Variants in DLG2 observed in about 807,000 individuals in gnomAD.
DLG2 encodes discs large MAGUK scaffold protein 2, also known as disks large homolog 2.
Under a neutral mutation model 132.5 loss-of-function variants are expected in DLG2, and 45 were observed. That is an observed-to-expected ratio of 0.34 (90% CI 0.27 to 0.44). The LOEUF is 0.44. DLG2 is among the 20% of genes least tolerant of loss of function. The probability of loss-of-function intolerance (pLI) is 1.00; values close to 1 mark genes in which losing one functional copy is unlikely to be tolerated. For synonymous variants in DLG2, 424 were observed against 419.6 expected, an observed-to-expected ratio of 1.01 and a Z score of -0.13; for missense variants, 1,045 against 1,196.9, an observed-to-expected ratio of 0.87 and a Z score of 1.87.
chr11:85,418,142 G>A (rs78019057), intron 3 of DLG2, among the ~76,000 whole-genome samples: 2 of 151,994 alleles, frequency 1.3e-5, no homozygotes, highest in Non-Finnish European at 2.9e-5. Context: ...AGTACACTTT[G>A]TTTTTGTTCT....
intron 6 of DLG2, among the ~76,000 whole-genome samples, chr11:85,067,039 A>G (rs928109996): frequency 5.9e-5 from 9 of 151,758 alleles, no homozygotes; most frequent in Non-Finnish European, 1.2e-4. Context: ...CAATCCCATT[A>G]CTGAGTATAT....
intron 8 of DLG2, among the ~76,000 whole-genome samples, chr11:84,246,188 G>T (rs953271278): frequency 3.3e-5 from 5 of 152,216 alleles, no homozygotes; most frequent in African/African-American, 1.2e-4. Context: ...GTCAACCATT[G>T]TCTGAAAATA....
chr11:85,294,550 T>A (rs1295045884), intron 3 of DLG2, among the ~76,000 whole-genome samples: 1 of 152,154 alleles, frequency 6.6e-6, no homozygotes, highest in Admixed American at 6.6e-5. Flanking sequence ...TGCAAGTTAC[T>A]TAACTTCTCT....
intron 7 of DLG2, among the ~76,000 whole-genome samples, chr11:84,276,198 G>T (rs1170857216): frequency 2.0e-5 from 3 of 152,258 alleles, no homozygotes; most frequent in Admixed American, 6.5e-5. Context: ...AACCTCTTGA[G>T]GTGATAAGTT....
At chr11:84,762,886 GAGGC>G (rs1457121592) in intron 6 of DLG2, among the ~76,000 whole-genome samples, 1 of 152,060 alleles carries the variant, frequency 6.6e-6, no homozygotes, top group Non-Finnish European at 1.5e-5. Context: ...CCTATGGGAG[GAGGC>G]AGGGTGAAAT....
intron 6 of DLG2, among the ~76,000 whole-genome samples, chr11:84,668,269 T>A (rs374459351): frequency 6.6e-6 from 1 of 152,154 alleles, no homozygotes; most frequent in Non-Finnish European, 1.5e-5. Flanking sequence ...CTAGGGTGAC[T>A]CTACTAAAAA....
intron 12 of DLG2, among the ~76,000 whole-genome samples, chr11:83,978,171 G>GT (rs761888785): frequency 3.3e-3 from 477 of 142,448 alleles, no homozygotes; most frequent in South Asian, 0.01. Context: ...TTTGGAGCAA[G>GT]TTTTTTTTTT....
chr11:85,623,164 TA>T (rs1403685273), intron 2 of DLG2, among the ~76,000 whole-genome samples: 2 of 152,118 alleles, frequency 1.3e-5, no homozygotes, highest in Non-Finnish European at 2.9e-5. Flanking sequence ...TAGCTTTCAG[TA>T]CATGATAAAA....
intron 2 of DLG2, among the ~76,000 whole-genome samples, chr11:85,603,991 A>G (rs2080347088): frequency 6.6e-6 from 1 of 152,192 alleles, no homozygotes. Context: ...ATGTATTAAC[A>G]ATATTCCCAC....
chr11:84,953,655 C>T (rs2051243774), intron 6 of DLG2, among the ~76,000 whole-genome samples: 1 of 152,124 alleles, frequency 6.6e-6, no homozygotes, highest in Admixed American at 6.5e-5. Context: ...ATAAGTTTAG[C>T]ACCCGGCATA....
At chr11:85,021,752 T>A in intron 6 of DLG2, 1 of 617,706 alleles carries the variant, frequency 1.6e-6, no homozygotes. Flanking sequence ...CGATTCTGAG[T>A]CTCCTACTCC....
intron 6 of DLG2, among the ~76,000 whole-genome samples, chr11:84,892,430 T>C (rs1449026793): frequency 6.6e-6 from 1 of 152,168 alleles, no homozygotes; most frequent in Non-Finnish European, 1.5e-5. Flanking sequence ...TTTATCTGTT[T>C]TATCTGCTGC....
intron 7 of DLG2, among the ~76,000 whole-genome samples, chr11:84,323,746 T>C (rs537592057): frequency 2.3e-4 from 34 of 145,424 alleles, no homozygotes; most frequent in African/African-American, 8.6e-4. Context: ...TTTTTGATAA[T>C]GGCCATTCTA....
chr11:83,507,581 T>C lies in DLG2; in HGVS notation c.2194-23353A>G, dbSNP rs2094779682. Among the ~76,000 whole-genome samples, 4 of 144,328 alleles carry C rather than the reference T, an allele frequency of 2.8e-5. No individual in the cohort carries two copies. The Admixed American group carries it at 2.8e-4, about 10-fold the overall frequency. 94.7% of individuals were successfully genotyped at this position (144,328 alleles called of 152,430 possible). A position where few individuals can be genotyped will look rare whatever the true frequency, so the allele number is the denominator to read the frequency against. ...CCTAAGTATATATATCCTATAGATA[T>C]CTATATAGATATCTATAGGATATAT... On this transcript the variant is annotated intron_variant, in intron 21 of 27. Transcript: ENST00000376104.
At chr11:83,529,930 C>G (rs1056690558) in intron 21 of DLG2, among the ~76,000 whole-genome samples, 6 of 152,056 alleles carry the variant, frequency 3.9e-5, no homozygotes, top group African/African-American at 1.4e-4. Flanking sequence ...ATATTTCAGC[C>G]TTACTGAAAA....
chr11:83,827,446 T>A (rs2053196151), intron 17 of DLG2, among the ~76,000 whole-genome samples: 1 of 152,198 alleles, frequency 6.6e-6, no homozygotes, highest in East Asian at 1.9e-4. Context: ...TTACTCTTTT[T>A]AAATCAACAA....
intron 20 of DLG2, among the ~76,000 whole-genome samples, chr11:83,534,672 C>T (rs759314463): frequency 2.6e-4 from 40 of 152,312 alleles, no homozygotes; most frequent in South Asian, 6.2e-4. Context: ...CGGTGGCTCA[C>T]GCCTGTAATC....
intron 7 of DLG2, among the ~76,000 whole-genome samples, chr11:84,349,279 A>C (rs1367192426): frequency 6.6e-6 from 1 of 152,102 alleles, no homozygotes; most frequent in Non-Finnish European, 1.5e-5. Flanking sequence ...AATATTTCCC[A>C]AAGGCATGGT....
intron 6 of DLG2, among the ~76,000 whole-genome samples, chr11:85,004,298 G>A (rs150591442): frequency 6.0e-4 from 91 of 152,292 alleles, no homozygotes; most frequent in African/African-American, 2.1e-3. Flanking sequence ...TCGCCAAACT[G>A]CCTTCCACAA....
Sources: allele counts gnomAD v4.1 joint callset (sites outside exome capture counted in the v4.1 genomes callset), GRCh38; gene constraint gnomAD v4.1.1; transcripts MANE v1.5; gene names NCBI Gene and HGNC (gene_info 2026-07-23, HGNC 2026-07-21).